Variants in ATXN2 observed in about 807,000 individuals in gnomAD.
The protein encoded by ATXN2 is ataxin 2.
Under a neutral mutation model 138.6 loss-of-function variants are expected in ATXN2, and 37 were observed. The observed-to-expected ratio is 0.27, with a 90% CI of 0.21 to 0.35. The LOEUF (loss-of-function observed/expected upper bound fraction) is 0.35. ATXN2 is among the 10% of genes least tolerant of loss of function. The pLI is 1.00. For missense variants in ATXN2, 1,216 were observed against 1,480.3 expected (o/e 0.82, Z 2.93); for synonymous variants, 549 against 543.7 (o/e 1.01, Z -0.13).
At chr12:111,508,116 C>A (rs1386235021) in intron 14 of ATXN2, among the ~76,000 whole-genome samples, 1 of 151,148 alleles carries the variant, frequency 6.6e-6, no homozygotes, top group Non-Finnish European at 1.5e-5. Context: ...TATGACCCTG[C>A]CAAATCCCCC....
intron 1 of ATXN2, among the ~76,000 whole-genome samples, chr12:111,595,612 A>G (rs902030492): frequency 6.6e-6 from 1 of 151,564 alleles, no homozygotes; most frequent in African/African-American, 2.4e-5. Flanking sequence ...ACTGCACTTC[A>G]GACTGGGCAA....
chr12:111,485,629 C>A, intron 17 of ATXN2, 84 bp downstream of exon 17: 1 of 1,512,934 alleles, frequency 6.6e-7, no homozygotes, highest in Admixed American at 1.7e-5. Context: ...ATCACACCCT[C>A]AAGTCACTGA....
At chr12:111,473,787 G>A (rs1876591886) in intron 18 of ATXN2, among the ~76,000 whole-genome samples, 1 of 150,208 alleles carries the variant, frequency 6.7e-6, no homozygotes, top group South Asian at 2.1e-4. Flanking sequence ...AACCCAATCT[G>A]ATCAAGCCTT....
intron 20 of ATXN2, among the ~76,000 whole-genome samples, chr12:111,465,872 G>A (rs1359710971): frequency 6.8e-6 from 1 of 146,030 alleles, no homozygotes; most frequent in Admixed American, 6.7e-5. Flanking sequence ...GTTAGATTAA[G>A]AGACATCAAA....
rs191416750 is a variant in ATXN2, at chr12:111,577,838, G to C, written c.251+20946C>G. The stretch of plus-strand genomic sequence containing the variant: ...GGCGTGCACCCACAGTCCCAGCTAC[G>C]TGGGAAGCTGAGGTGGGAGGATTGC... On this transcript the variant is annotated intron_variant, in intron 1 of 24. Coordinates refer to ENST00000673436, the MANE Select transcript of ATXN2 (RefSeq NM_001372574.1). Among the ~76,000 whole-genome samples, 329 of 152,134 alleles carry C rather than the reference G, an allele frequency of 2.2e-3. 3 individuals are homozygous for C. The highest frequency in any genetic ancestry group is 1.7e-3 in the Non-Finnish European group (117 of 68,014).
In ATXN2 at chr12:111,510,326, C is replaced by A. The variant is rs1879429080; in HGVS notation, c.1756+59G>T. ...CCTAGAATTTTTTCATATAATATCA[C>A]CCTCTAACATTCAATTTCACAGCTG... On this transcript the variant is annotated intron_variant, in intron 12 of 24. Coordinates refer to ENST00000673436, the MANE Select transcript of ATXN2 (RefSeq NM_001372574.1). 12 of 1,529,080 alleles carry A rather than the reference C, an allele frequency of 7.8e-6. No homozygotes were observed. In the South Asian group the frequency reaches 1.2e-4, roughly 15 times the overall value. The allele number at this position is 1,529,080 out of a possible 1,614,324, so 94.7% of individuals were successfully genotyped here.
At chr12:111,530,143 A>T (rs2135753511) in intron 5 of ATXN2, among the ~76,000 whole-genome samples, 1 of 152,340 alleles carries the variant, frequency 6.6e-6, no homozygotes, top group South Asian at 2.1e-4. Context: ...ATACTATATA[A>T]AGTATCAGTA....
intron 14 of ATXN2, among the ~76,000 whole-genome samples, chr12:111,499,735 C>A (rs890755989): frequency 6.6e-6 from 1 of 151,920 alleles, no homozygotes; most frequent in East Asian, 1.9e-4. Context: ...TGGCTCACAA[C>A]TATAATTTCA....
chr12:111,528,194 A>T (rs564153776), intron 5 of ATXN2, among the ~76,000 whole-genome samples: 61 of 152,202 alleles, frequency 4.0e-4, no homozygotes, highest in Non-Finnish European at 7.6e-4. Flanking sequence ...TACTCTTTTG[A>T]TTCAAGAAAT....
chr12:111,496,145 C>A (rs529638364), intron 14 of ATXN2, among the ~76,000 whole-genome samples: 1 of 152,026 alleles, frequency 6.6e-6, no homozygotes, highest in African/African-American at 2.4e-5. Flanking sequence ...CAGAGTGAGA[C>A]TCTGTTACAA....
rs748500530 is a variant in ATXN2 at position 111,453,493 on chromosome 12, G to A, written c.3439+184C>T. On this transcript the variant is annotated intron_variant, in intron 24 of 24. Coordinates refer to ENST00000673436, the MANE Select transcript of ATXN2 (RefSeq NM_001372574.1). The surrounding 1 kb of genome is among the most constrained non-coding windows in gnomAD (Gnocchi z 5.4). ...ATACCATCAGAACACACACAGACTC[G>A]GCTCCCGGAAGCCTCAGGCCCTGAT... 4 of 1,330,714 alleles carry A rather than the reference G, an allele frequency of 3.0e-6. No homozygotes were observed. In the South Asian group the frequency reaches 6.2e-5, roughly 21 times the overall value. The allele number at this position is 1,330,714 out of a possible 1,614,324, so 82.4% of individuals were successfully genotyped here.
intron 1 of ATXN2, among the ~76,000 whole-genome samples, chr12:111,566,009 A>C (rs1240382296): frequency 1.3e-5 from 2 of 152,030 alleles, no homozygotes; most frequent in African/African-American, 2.4e-5. Flanking sequence ...AAAAAAAAAA[A>C]AATTACTTCT....
intron 14 of ATXN2, among the ~76,000 whole-genome samples, chr12:111,501,181 C>A (rs1447548998): frequency 1.3e-5 from 2 of 152,158 alleles, no homozygotes; most frequent in East Asian, 3.9e-4. Context: ...AAGTAGACTG[C>A]AAAACCAAGG....
rs868030330 is a variant in ATXN2 at position 111,569,156 on chromosome 12, T to C, written c.252-13237A>G. Among the ~76,000 whole-genome samples the C allele has an allele frequency of 6.6e-5, 10 of 152,316 alleles. No homozygotes were observed. In the Middle Eastern group the frequency reaches 0.01, roughly 155 times the overall value. ...AAGAACTAATATCAGCATTAATTGCTTGGGTTCAAATTCCGGCTCCATCAC... is the reference window on the plus strand; with the variant it reads ...AAGAACTAATATCAGCATTAATTGCCTGGGTTCAAATTCCGGCTCCATCAC... On this transcript the variant is annotated intron_variant, in intron 1 of 24. Transcript: ENST00000673436.
chr12:111,524,805 C>T (rs1309273856), intron 6 of ATXN2, among the ~76,000 whole-genome samples: 2 of 152,214 alleles, frequency 1.3e-5, no homozygotes, highest in Non-Finnish European at 2.9e-5. Context: ...CTACTTCAAC[C>T]TCTTCTCTAG....
At chr12:111,569,744 C>T (rs1883208592) in intron 1 of ATXN2, among the ~76,000 whole-genome samples, 1 of 152,100 alleles carries the variant, frequency 6.6e-6, no homozygotes, top group Non-Finnish European at 1.5e-5. Context: ...CCACACTCTT[C>T]ATATGAAGTT....
Position 111,589,633 on chromosome 12 carries a change from G to A in ATXN2, c.251+9151C>T, listed in dbSNP as rs192580107. ...CCAATAATACAAAAATTAGCCAGGT[G>A]TAGTGGCGCATGCCTATAATCCCAG... On this transcript the variant is annotated intron_variant, in intron 1 of 24. Coordinates refer to ENST00000673436, the MANE Select transcript of ATXN2 (RefSeq NM_001372574.1). Among the ~76,000 whole-genome samples the A allele has an allele frequency of 4.9e-3, 749 of 152,052 alleles. 4 individuals are homozygous for A. The highest frequency in any genetic ancestry group is 0.017 in the African/African-American group (714 of 41,490).
At chr12:111,494,358 A>G (rs911445456) in intron 14 of ATXN2, among the ~76,000 whole-genome samples, 5 of 151,786 alleles carry the variant, frequency 3.3e-5, no homozygotes, top group African/African-American at 1.2e-4. Context: ...TTGCAATCAA[A>G]GTTTCAAGTT....
intron 5 of ATXN2, among the ~76,000 whole-genome samples, chr12:111,540,174 C>T (rs1881419480): frequency 6.7e-6 from 1 of 150,308 alleles, no homozygotes; most frequent in African/African-American, 2.4e-5. Flanking sequence ...ATCCACATTC[C>T]TTCTCTTGCT....
Sources: gnomAD v4.1 joint callset for allele counts (sites outside exome capture counted in the v4.1 genomes callset) on GRCh38, gnomAD v4.1.1 for gene constraint, Gnocchi (gnomAD v3.1) non-coding constraint, MANE v1.5 for transcripts, NCBI Gene and HGNC (gene_info 2026-07-23, HGNC 2026-07-21) for gene names.